The following PID1 variants were observed in gnomAD, a reference collection of about 807,000 sequenced individuals.
The protein encoded by PID1 is phosphotyrosine interaction domain containing 1.
PID1 carries 10 observed loss-of-function variants against 19.1 expected under a neutral mutation model. The ratio of observed to expected loss-of-function variants is 0.52; its 90% CI spans 0.32 to 0.89. PID1 has a LOEUF of 0.89. PID1 is among the 40% of genes least tolerant of loss of function. PID1 has a pLI of 0.03. For missense variants in PID1, 248 were observed against 285.3 expected, an observed-to-expected ratio of 0.87 and a Z score of 0.94; for synonymous variants, 130 against 116.0, an observed-to-expected ratio of 1.12 and a Z score of -0.78.
chr2:229,045,996 C>G (rs977658685), intron 2 of PID1, among the ~76,000 whole-genome samples: 1 of 152,210 alleles, frequency 6.6e-6, no homozygotes, highest in African/African-American at 2.4e-5. Context: ...CCAAATTAAA[C>G]TTGACATAGC....
At chr2:229,163,357 G>A (rs1559264218) in intron 1 of PID1, among the ~76,000 whole-genome samples, 2 of 152,102 alleles carry the variant, frequency 1.3e-5, no homozygotes, top group Non-Finnish European at 2.9e-5. Flanking sequence ...AATAGTTTCA[G>A]TTTAATTTTA....
chr2:229,219,432 C>T (rs1479354032), intron 1 of PID1, among the ~76,000 whole-genome samples: 1 of 152,180 alleles, frequency 6.6e-6, no homozygotes, highest in African/African-American at 2.4e-5. Context: ...ATCACGAGAA[C>T]AGCAGCAAGA....
In PID1 at chr2:229,260,817, ATTTTT is replaced by A. The variant is rs66533277; in HGVS notation, c.30+10192_30+10196del. Among the ~76,000 whole-genome samples, 63 of 114,652 alleles carry A rather than the reference ATTTTT, an allele frequency of 5.5e-4. No individual in the cohort carries two copies. In the East Asian group the frequency reaches 0.011, roughly 20 times the overall value. 75.2% of individuals were successfully genotyped at this position (114,652 alleles called of 152,430 possible). A position where few individuals can be genotyped will look rare whatever the true frequency, so the allele number is the denominator to read the frequency against. On this transcript the variant is annotated intron_variant, in intron 1 of 2. Transcript: ENST00000392055. ...AGATGTAGAGAAAATTCTGATTGCC[ATTTTT>A]TTTTTTTTTTTTTTTTTGGTGGCTG...
intron 2 of PID1, among the ~76,000 whole-genome samples, chr2:229,082,773 G>C (rs926799666): frequency 6.6e-6 from 1 of 152,120 alleles, no homozygotes; most frequent in Non-Finnish European, 1.5e-5. Context: ...TCTTCCATAA[G>C]AGAATACAGC....
In PID1 at chr2:229,219,143, T is replaced by G. The variant is rs1574732429; in HGVS notation, c.30+51871A>C. 4.6e-5 allele frequency among the ~76,000 whole-genome samples: 7 copies of G among 152,310 alleles called. 3 individuals are homozygous for G. Among genetic ancestry groups the G allele is most frequent in the Admixed American group, 4.6e-4 (7 of 15,302 alleles). ...CCTAGTTCAGGCCCTTTTAATTAAC[T>G]TATTTACTTACTTATTTATTCTTTA... On this transcript the variant is annotated intron_variant, in intron 1 of 2. Coordinates refer to ENST00000392055, the MANE Select transcript of PID1 (RefSeq NM_001100818.2).
intron 2 of PID1, among the ~76,000 whole-genome samples, chr2:229,124,419 A>C (rs1171966474): frequency 6.6e-6 from 1 of 152,232 alleles, no homozygotes; most frequent in Non-Finnish European, 1.5e-5. Context: ...AGTTAGAGGA[A>C]AGAGAAAATG....
chr2:229,120,845 G>A (rs1215056191), intron 2 of PID1, among the ~76,000 whole-genome samples: 1 of 151,932 alleles, frequency 6.6e-6, no homozygotes, highest in Non-Finnish European at 1.5e-5. Context: ...GCCCCTGTGA[G>A]ACTAGATTAC....
At chr2:229,231,570 C>T (rs1405022938) in intron 1 of PID1, among the ~76,000 whole-genome samples, 1 of 151,992 alleles carries the variant, frequency 6.6e-6, no homozygotes, top group African/African-American at 2.4e-5. Context: ...ACGATAGAGC[C>T]CAGGCACTCT....
At chr2:229,187,757 T>C (rs529919808) in intron 1 of PID1, among the ~76,000 whole-genome samples, 6 of 152,256 alleles carry the variant, frequency 3.9e-5, no homozygotes, top group South Asian at 2.1e-4. Flanking sequence ...ACAAAAATCC[T>C]CTTTCGAATC....
At chr2:229,050,876 A>G (rs1448155363) in intron 2 of PID1, among the ~76,000 whole-genome samples, 5 of 152,210 alleles carry the variant, frequency 3.3e-5, no homozygotes, top group Admixed American at 1.3e-4. Context: ...AAAGCCAATC[A>G]CTGCTCTTCA....
chr2:229,210,443 G>T (rs1471913989), intron 1 of PID1, among the ~76,000 whole-genome samples: 1 of 147,304 alleles, frequency 6.8e-6, no homozygotes, highest in Non-Finnish European at 1.5e-5. Flanking sequence ...CCTGAACCGG[G>T]GAGGCGGAGC....
intron 1 of PID1, among the ~76,000 whole-genome samples, chr2:229,244,216 C>A (rs940182190): frequency 8.5e-5 from 13 of 152,272 alleles, no homozygotes; most frequent in Admixed American, 3.9e-4. Flanking sequence ...AAACCAGGAT[C>A]CCTTGTTAAG....
chr2:229,118,540 C>G (rs954207197), intron 2 of PID1, among the ~76,000 whole-genome samples: 1 of 152,162 alleles, frequency 6.6e-6, no homozygotes, highest in African/African-American at 2.4e-5. Flanking sequence ...AGGAAAAAGA[C>G]AGTCCTGCTG....
chr2:229,039,432 T>C (rs989565938), intron 2 of PID1, among the ~76,000 whole-genome samples: 7 of 152,230 alleles, frequency 4.6e-5, no homozygotes, highest in African/African-American at 1.7e-4. Flanking sequence ...GTTTAGATTA[T>C]ATTAGCTACA....
At chr2:229,267,351 C>A (rs1690616695) in intron 1 of PID1, among the ~76,000 whole-genome samples, 1 of 152,192 alleles carries the variant, frequency 6.6e-6, no homozygotes. Context: ...TCAAATCCAG[C>A]TTTGTGAATA....
chr2:229,105,853 G>T (rs1695166850), intron 2 of PID1, among the ~76,000 whole-genome samples: 1 of 152,186 alleles, frequency 6.6e-6, no homozygotes, highest in South Asian at 2.1e-4. Flanking sequence ...GCTGAGGCAG[G>T]CACATCATGA....
intron 2 of PID1, among the ~76,000 whole-genome samples, chr2:229,142,205 G>A (rs1044216041): frequency 2.6e-5 from 4 of 152,040 alleles, no homozygotes; most frequent in East Asian, 3.9e-4. Flanking sequence ...CCACAAAAAA[G>A]TTCGAAGTAC....
At chr2:229,263,676 G>T (rs946675967) in intron 1 of PID1, among the ~76,000 whole-genome samples, 1 of 152,164 alleles carries the variant, frequency 6.6e-6, no homozygotes, top group Admixed American at 6.5e-5. Context: ...CTGGAGAATT[G>T]TTACATCATC....
At chr2:229,239,208 A>G (rs1455765623) in intron 1 of PID1, among the ~76,000 whole-genome samples, 1 of 152,172 alleles carries the variant, frequency 6.6e-6, no homozygotes, top group Non-Finnish European at 1.5e-5. Context: ...TTAGTAAGCT[A>G]GCGGGAGGGG....
Sources: allele counts gnomAD v4.1 joint callset (sites outside exome capture counted in the v4.1 genomes callset), GRCh38; gene constraint gnomAD v4.1.1; transcripts MANE v1.5; gene names NCBI Gene and HGNC (gene_info 2026-07-23, HGNC 2026-07-21).